Variants in PDE4B observed in about 807,000 individuals in gnomAD.
The protein encoded by PDE4B is phosphodiesterase 4B.
Under a neutral mutation model 82.2 loss-of-function variants are expected in PDE4B, and 20 were observed. The observed-to-expected ratio is 0.24, with a 90% CI of 0.17 to 0.35. The LOEUF (loss-of-function observed/expected upper bound fraction) is 0.35. Among genes scored for constraint, PDE4B ranks in the 10% least tolerant of loss-of-function variants. The probability of loss-of-function intolerance (pLI) is 1.00; values close to 1 mark genes in which losing one functional copy is unlikely to be tolerated. For synonymous variants in PDE4B, 320 were observed against 318.9 expected, an observed-to-expected ratio of 1.00 and a Z score of -0.04; for missense variants, 655 against 907.2, an observed-to-expected ratio of 0.72 and a Z score of 3.57.
In PDE4B at chr1:66,268,188, CAG is replaced by C. The variant is rs142564069; in HGVS notation, c.634+2115_634+2116del. Among the ~76,000 whole-genome samples the C allele has an allele frequency of 1.3e-3, 202 of 150,748 alleles. 1 individual carries two copies. Among genetic ancestry groups the C allele is most frequent in the African/African-American group, 4.3e-3 (179 of 41,284 alleles). On this transcript the variant is annotated intron_variant, in intron 7 of 16. Coordinates refer to ENST00000341517, the MANE Select transcript of PDE4B (RefSeq NM_002600.4). ...ACTGTATTCTTGTATTGGAGCAATT[CAG>C]AGAGAGAGAGAGAAATACCAAATCT...
At chr1:66,290,606 CA>C (rs1657002530) in intron 7 of PDE4B, among the ~76,000 whole-genome samples, 1 of 152,156 alleles carries the variant, frequency 6.6e-6, no homozygotes, top group Non-Finnish European at 1.5e-5. Flanking sequence ...ACCCAAAATG[CA>C]AATGGATTTT....
Position 65,913,585 on chromosome 1 carries a change from A to G in PDE4B, c.42+229A>G, listed in dbSNP as rs772897240. ...CTGAGTTTCACTTTTATGGTTTTCA[A>G]TCACAGAACCACCAATCTCTAGTCT... On this transcript the variant is annotated intron_variant, in intron 2 of 16. Coordinates refer to ENST00000341517, the MANE Select transcript of PDE4B (RefSeq NM_002600.4). Among the ~76,000 whole-genome samples, 32 of 152,178 alleles carry G rather than the reference A, an allele frequency of 2.1e-4. 1 individual carries two copies. Among genetic ancestry groups the G allele is most frequent in the Non-Finnish European group, 7.3e-5 (5 of 68,032 alleles).
chr1:65,918,324 G>T (rs1425680169), intron 2 of PDE4B, among the ~76,000 whole-genome samples: 1 of 152,054 alleles, frequency 6.6e-6, no homozygotes, highest in Non-Finnish European at 1.5e-5. Flanking sequence ...AAAGAAGGAG[G>T]CCTCCAATCC....
At chr1:65,884,839 C>A (rs543480943) in intron 1 of PDE4B, among the ~76,000 whole-genome samples, 1 of 152,300 alleles carries the variant, frequency 6.6e-6, no homozygotes, top group South Asian at 2.1e-4. Flanking sequence ...GCAATGGCAA[C>A]AAAGGCCAAA....
intron 7 of PDE4B, among the ~76,000 whole-genome samples, chr1:66,316,255 A>G (rs1659020400): frequency 6.6e-6 from 1 of 152,222 alleles, no homozygotes; most frequent in Non-Finnish European, 1.5e-5. Context: ...TAAAAGATTA[A>G]TATTCCCTTG....
At chr1:65,929,246 CT>C (rs1647694488) in intron 3 of PDE4B, among the ~76,000 whole-genome samples, 1 of 152,144 alleles carries the variant, frequency 6.6e-6, no homozygotes, top group Admixed American at 6.5e-5. Context: ...GGGTTTATCT[CT>C]TCAGACAAAG....
chr1:66,055,779 C>A (rs2503223), intron 3 of PDE4B, among the ~76,000 whole-genome samples: 145,974 of 152,296 alleles, frequency 0.96, 69,981 homozygotes, highest in East Asian at 0.98. Context: ...CAGTAGATAA[C>A]ATTTTGAGAT....
intron 3 of PDE4B, among the ~76,000 whole-genome samples, chr1:66,227,285 A>G (rs1433191386): frequency 6.6e-6 from 1 of 152,192 alleles, no homozygotes; most frequent in Non-Finnish European, 1.5e-5. Context: ...ATAGGTTAAG[A>G]ACACTGGTTC....
At chr1:66,311,475 G>A (rs540418847) in intron 7 of PDE4B, among the ~76,000 whole-genome samples, 3 of 152,370 alleles carry the variant, frequency 2.0e-5, no homozygotes, top group South Asian at 2.1e-4. Flanking sequence ...AAAGCACCCC[G>A]TTAGGTGCTG....
intron 7 of PDE4B, among the ~76,000 whole-genome samples, chr1:66,320,952 T>C (rs1659359567): frequency 6.6e-6 from 1 of 152,094 alleles, no homozygotes; most frequent in Non-Finnish European, 1.5e-5. Context: ...CAGATAGAAA[T>C]GCTTGAGCAG....
intron 3 of PDE4B, among the ~76,000 whole-genome samples, chr1:66,122,102 G>A (rs1268463248): frequency 1.3e-5 from 2 of 152,092 alleles, no homozygotes; most frequent in African/African-American, 2.4e-5. Context: ...ACATGGCCGA[G>A]GCTATAATCC....
chr1:66,066,154 T>C (rs142741591), intron 3 of PDE4B, among the ~76,000 whole-genome samples: 1 of 151,762 alleles, frequency 6.6e-6, no homozygotes, highest in African/African-American at 2.4e-5. Flanking sequence ...AGAATATGTA[T>C]CATTTGATCT....
chr1:66,339,295 G>A (rs1030625911), intron 8 of PDE4B, among the ~76,000 whole-genome samples: 1 of 152,202 alleles, frequency 6.6e-6, no homozygotes, highest in Admixed American at 6.5e-5. Context: ...ATGACAAAAT[G>A]GAGTTGTATT....
intron 3 of PDE4B, among the ~76,000 whole-genome samples, chr1:66,163,228 T>C (rs1180409973): frequency 6.6e-6 from 1 of 152,214 alleles, no homozygotes; most frequent in Non-Finnish European, 1.5e-5. Flanking sequence ...TAAGATTTAC[T>C]GGTAGGTAGG....
At chr1:65,910,013 G>A (rs1271454180) in intron 1 of PDE4B, among the ~76,000 whole-genome samples, 3 of 152,194 alleles carry the variant, frequency 2.0e-5, no homozygotes, top group African/African-American at 4.8e-5. Flanking sequence ...AATAGTCTTG[G>A]TTTTAGAACA....
intron 7 of PDE4B, among the ~76,000 whole-genome samples, chr1:66,293,108 G>A (rs1278751603): frequency 6.6e-6 from 1 of 152,122 alleles, no homozygotes; most frequent in East Asian, 1.9e-4. Context: ...TTTATTCATG[G>A]ACACACTAAA....
chr1:65,912,753 AC>A (rs1305063462), intron 1 of PDE4B, among the ~76,000 whole-genome samples: 1 of 151,462 alleles, frequency 6.6e-6, no homozygotes, highest in East Asian at 1.9e-4. Context: ...ACTTTTCTTC[AC>A]TTTTTTTTTG....
chr1:66,071,732 T>C (rs1449343470), intron 3 of PDE4B, among the ~76,000 whole-genome samples: 1 of 152,098 alleles, frequency 6.6e-6, no homozygotes, highest in African/African-American at 2.4e-5. Flanking sequence ...TATGACAGAT[T>C]TTTTGTATCT....
intron 1 of PDE4B, among the ~76,000 whole-genome samples, chr1:65,871,096 G>A (rs1027426598): frequency 4.6e-5 from 7 of 152,110 alleles, no homozygotes; most frequent in South Asian, 2.1e-4. Context: ...TAACAGAACC[G>A]GAATTCAAGG....
Sources: allele counts gnomAD v4.1 joint callset (sites outside exome capture counted in the v4.1 genomes callset), GRCh38; gene constraint gnomAD v4.1.1; transcripts MANE v1.5; gene names NCBI Gene and HGNC (gene_info 2026-07-23, HGNC 2026-07-21).